SNX1: variants seen among roughly 807,000 people sequenced by gnomAD.
SNX1 encodes sorting nexin-1.
SNX1 carries 36 observed loss-of-function variants against 71.8 expected under a neutral mutation model. That is an observed-to-expected ratio of 0.50 (90% CI 0.38 to 0.66). The LOEUF is 0.66. SNX1 is among the 30% of genes least tolerant of loss of function. SNX1 has a pLI of 0.00. For missense variants in SNX1, 612 were observed against 646.7 expected (o/e 0.95, Z 0.58); for synonymous variants, 254 against 240.7 (o/e 1.06, Z -0.51).
Position 64,119,790 on chromosome 15 carries a change from C to G in SNX1, c.466+936C>G, listed in dbSNP as rs528218262. Among the ~76,000 whole-genome samples, 19 of 151,090 alleles carry G rather than the reference C, an allele frequency of 1.3e-4. No individual in the cohort carries two copies. In the East Asian group the frequency reaches 3.7e-3, roughly 29 times the overall value. ...TCTTCTCCTTCAGAGTTGATAAGAC[C>G]ATTTTACTGTCTTTTGAGATAGTAA... On this transcript the variant is annotated intron_variant, in intron 4 of 14. Transcript: ENST00000559844.
At chr15:64,096,532 G>GA (rs1355227241) in intron 1 of SNX1, among the ~76,000 whole-genome samples, 2 of 152,222 alleles carry the variant, frequency 1.3e-5, no homozygotes, top group African/African-American at 4.8e-5. Context: ...AAGCGAATGG[G>GA]ATGCAGACCT....
intron 2 of SNX1, among the ~76,000 whole-genome samples, chr15:64,116,882 A>T (rs1200951730): frequency 6.6e-6 from 1 of 152,208 alleles, no homozygotes; most frequent in East Asian, 1.9e-4. Context: ...CGTTCTGTTC[A>T]ACTGAGTACT....
intron 7 of SNX1, among the ~76,000 whole-genome samples, 177 bp downstream of exon 7, chr15:64,127,429 A>G (rs1039322517): frequency 6.6e-6 from 1 of 152,206 alleles, no homozygotes; most frequent in Admixed American, 6.5e-5. Context: ...CACCTTGAGA[A>G]TAGACCATCT....
At chr15:64,114,466 G>A (rs1419719721) in intron 2 of SNX1, among the ~76,000 whole-genome samples, 3 of 152,170 alleles carry the variant, frequency 2.0e-5, no homozygotes, top group Non-Finnish European at 2.9e-5. Flanking sequence ...CTGGCTTTGG[G>A]AAAAAAGTAA....
In SNX1 at chr15:64,141,085, T is replaced by C. The variant is rs993041110; in HGVS notation, c.*3467T>C. 12 of 152,202 alleles carry C rather than the reference T, an allele frequency of 7.9e-5. No individual in the cohort carries two copies. The highest frequency in any genetic ancestry group is 2.9e-4 in the African/African-American group (12 of 41,436). The allele number at this position is 152,202 out of a possible 1,614,324, so 9.4% of individuals were successfully genotyped here. On this transcript the variant is annotated 3_prime_UTR_variant, in exon 15 of 15. Transcript: ENST00000559844. This position sits in a 1 kb window ranked among gnomAD's most constrained non-coding sequence, Gnocchi z 5.1. ...TTGTAGAAACAAGATAGGTTAGAGA[T>C]ACCTGACATAAATAGATACTAAAAA... is the stretch of plus-strand genomic sequence containing the variant.
intron 1 of SNX1, among the ~76,000 whole-genome samples, chr15:64,108,264 G>A (rs756885332): frequency 3.3e-5 from 5 of 151,550 alleles, no homozygotes; most frequent in African/African-American, 4.8e-5. Context: ...TAATCAGTAC[G>A]TTCTTTATAA....
intron 2 of SNX1, among the ~76,000 whole-genome samples, chr15:64,117,897 T>C (rs2081147978): frequency 6.6e-6 from 1 of 152,250 alleles, no homozygotes; most frequent in African/African-American, 2.4e-5. Context: ...GTGGTTGTAT[T>C]TGGAAAGAAG....
rs1205317987 is a variant in SNX1, at chr15:64,138,323, C to CTTTTT, written c.*706_*707insTTTTT. ...CAAAGGAGGCAGAGACTTTCTCTCT[C>CTTTTT]TCTTTTTTTTTTTTTTTTGGTGTCC... On this transcript the variant is annotated 3_prime_UTR_variant, in exon 15 of 15. Coordinates refer to ENST00000559844, the MANE Select transcript of SNX1 (RefSeq NM_003099.5). The CTTTTT allele has an allele frequency of 4.3e-6, 3 of 694,194 alleles. No homozygotes were observed. The highest frequency in any genetic ancestry group is 4.2e-5 in the African/African-American group (2 of 47,914). The allele number at this position is 694,194 out of a possible 1,614,324, so 43.0% of individuals were successfully genotyped here. A position where few individuals can be genotyped will look rare whatever the true frequency, so the allele number is the denominator to read the frequency against.
chr15:64,114,751 GAAGA>G (rs2081111846), intron 2 of SNX1, among the ~76,000 whole-genome samples: 1 of 152,186 alleles, frequency 6.6e-6, no homozygotes, highest in Admixed American at 6.5e-5. Context: ...GAAGAGATTA[GAAGA>G]AAGAATAGAA....
intron 1 of SNX1, among the ~76,000 whole-genome samples, chr15:64,102,380 AT>A (rs1225112325): frequency 1.0e-5 from 1 of 96,696 alleles, no homozygotes; most frequent in Non-Finnish European, 3.1e-5. Context: ...TCAAACATTT[AT>A]CTTTTTGTTG....
intron 1 of SNX1, among the ~76,000 whole-genome samples, chr15:64,096,717 C>A (rs377049611): frequency 6.6e-6 from 1 of 152,156 alleles, no homozygotes; most frequent in South Asian, 2.1e-4. Flanking sequence ...GAAAATCAGG[C>A]CAGAGGCTGG....
rs114727910 is a variant in SNX1 at position 64,100,903 on chromosome 15, T to C, written c.159+4731T>C. Among the ~76,000 whole-genome samples the C allele has an allele frequency of 2.4e-3, 359 of 152,308 alleles. 2 individuals carry two copies. Among genetic ancestry groups the C allele is most frequent in the African/African-American group, 8.2e-3 (342 of 41,558 alleles). On this transcript the variant is annotated intron_variant, in intron 1 of 14. Coordinates refer to ENST00000559844, the MANE Select transcript of SNX1 (RefSeq NM_003099.5). ...TCACTGCAGCCTCTACCTCTTGAGC[T>C]AAGTGATCCTCTCACCTCAGCCTCC...
Position 64,134,792 on chromosome 15 carries a change from G to T in SNX1, c.1350G>T (p.Lys450Asn). 6.2e-7 allele frequency: 1 copy of T among 1,613,962 alleles called. No individual in the cohort carries two copies. Among genetic ancestry groups the T allele is most frequent in the South Asian group, 1.1e-5 (1 of 91,074 alleles). ...AGCCTGATAAGCTGCAGCAGGCCAA[G>T]GACGAGATCCTCGAGGTGAGTCCAC... ...ANKPDKLQQAKDEILEWESRV... is the reference protein window; with the variant it reads ...ANKPDKLQQANDEILEWESRV... The change falls in exon 12 of 15, where the codon AAG becomes AAT. Residue 450 changes from lysine (K) to asparagine (N), a missense_variant. Physicochemically the swap from Lys to Asn is moderately conservative, Grantham distance 94. Coordinates refer to ENST00000559844, the MANE Select transcript of SNX1 (RefSeq NM_003099.5). This position sits in a 1 kb window ranked among gnomAD's most constrained non-coding sequence, Gnocchi z 4.1.
Position 64,126,091 on chromosome 15 carries a change from T to C in SNX1, c.523T>C (p.Leu175=). 1 of 1,614,128 alleles carries C rather than the reference T, an allele frequency of 6.2e-7. No individual in the cohort carries two copies. The highest frequency in any genetic ancestry group is 8.5e-7 in the Non-Finnish European group (1 of 1,180,016). Residue 175 remains leucine, a synonymous_variant, in exon 6 of 15, where the codon TTG becomes CTG. Coordinates refer to ENST00000559844, the MANE Select transcript of SNX1 (RefSeq NM_003099.5). ...TCCTGTCCCCAAGACAAGCTTACCATTGTTCAGAAGCAAACAGTTTGCAGT... is the reference window on the plus strand; with the variant it reads ...TCCTGTCCCCAAGACAAGCTTACCACTGTTCAGAAGCAAACAGTTTGCAGT... ...YKVTTQTSLP[L]FRSKQFAVKR...
intron 4 of SNX1, among the ~76,000 whole-genome samples, chr15:64,120,530 G>T (rs1329537587): frequency 6.6e-6 from 1 of 151,892 alleles, no homozygotes; most frequent in Non-Finnish European, 1.5e-5. Flanking sequence ...ATTGATTTTA[G>T]GCCAGGTGCA....
rs2081380945 is a variant in SNX1, at chr15:64,138,187, A to G, written c.*569A>G. On this transcript the variant is annotated 3_prime_UTR_variant, in exon 15 of 15. Transcript: ENST00000559844. The stretch of plus-strand genomic sequence containing the variant: ...TTCTTTCTCTCCGCCTACCTCAGCT[A>G]CCTGTTCTGAGGGTCTCAATCTGTT... 1.3e-6 allele frequency: 2 copies of G among 1,534,876 alleles called. No homozygotes were observed. The highest frequency in any genetic ancestry group is 1.7e-6 in the Non-Finnish European group (2 of 1,146,666).
At chr15:64,097,543 T>A (rs1595969862) in intron 1 of SNX1, among the ~76,000 whole-genome samples, 1 of 152,182 alleles carries the variant, frequency 6.6e-6, no homozygotes. Flanking sequence ...GCCCTTAAGT[T>A]CCCTGCCTCC....
chr15:64,119,683 C>T (rs1001416031), intron 4 of SNX1, among the ~76,000 whole-genome samples: 1 of 150,888 alleles, frequency 6.6e-6, no homozygotes, highest in African/African-American at 2.4e-5. Flanking sequence ...GAGATCATGC[C>T]ACTGCCCTCC....
At position 64,118,365 on chromosome 15, in the gene SNX1, A is replaced by G. The variant is rs192786479; in HGVS notation, c.399+121A>G. On this transcript the variant is annotated intron_variant, in intron 3 of 14. Transcript: ENST00000559844. ...TTTGTTACTCTTGAAGGAGATCTTT[A>G]TGGTTAATGGACAGCCAGAATCCAA... is the stretch of plus-strand genomic sequence containing the variant. 40 of 1,094,778 alleles carry G rather than the reference A, an allele frequency of 3.7e-5. No homozygotes were observed. In the Admixed American group the frequency reaches 6.4e-4, roughly 17 times the overall value. 67.8% of individuals were successfully genotyped at this position (1,094,778 alleles called of 1,614,324 possible).
Sources: allele counts gnomAD v4.1 joint callset (sites outside exome capture counted in the v4.1 genomes callset), GRCh38; gene constraint gnomAD v4.1.1; non-coding constraint Gnocchi (gnomAD v3.1); transcripts MANE v1.5; gene names NCBI Gene and HGNC (gene_info 2026-07-23, HGNC 2026-07-21).